SNTG1: variants seen among roughly 807,000 people sequenced by gnomAD.
SNTG1 encodes the protein syntrophin gamma 1, also known as gamma-1-syntrophin.
Under a neutral mutation model 74.7 loss-of-function variants are expected in SNTG1, and 39 were observed. That is an observed-to-expected ratio of 0.52 (90% CI 0.40 to 0.68). The LOEUF (loss-of-function observed/expected upper bound fraction) is 0.68. Among genes scored for constraint, SNTG1 ranks in the 30% least tolerant of loss-of-function variants. The probability of loss-of-function intolerance (pLI) is 0.00; values close to 1 mark genes in which losing one functional copy is unlikely to be tolerated. For missense variants in SNTG1, 685 were observed against 609.5 expected (o/e 1.12, Z -1.30); for synonymous variants, 254 against 217.1 (o/e 1.17, Z -1.49).
chr8:50,170,570 C>T (rs547703907), intron 1 of SNTG1, among the ~76,000 whole-genome samples: 2 of 152,256 alleles, frequency 1.3e-5, no homozygotes, highest in African/African-American at 4.8e-5. Context: ...TTATCTATTG[C>T]TGCATAAAAA....
intron 1 of SNTG1, among the ~76,000 whole-genome samples, chr8:50,088,235 G>C (rs1434454174): frequency 6.6e-6 from 1 of 151,426 alleles, no homozygotes; most frequent in Non-Finnish European, 1.5e-5. Flanking sequence ...CAATAAATTA[G>C]GTATTGATGG....
intron 2 of SNTG1, among the ~76,000 whole-genome samples, chr8:50,322,467 G>A (rs2090570274): frequency 6.6e-6 from 1 of 151,986 alleles, no homozygotes; most frequent in Admixed American, 6.6e-5. Context: ...TCTTCTCTGT[G>A]TCCTTGATCT....
chr8:50,741,427 C>T (rs72643702), intron 17 of SNTG1, among the ~76,000 whole-genome samples: 8,074 of 152,036 alleles, frequency 0.053, 268 homozygotes, highest in Non-Finnish European at 0.072. Flanking sequence ...TGACCAAGTA[C>T]CCCTGAACTT....
chr8:49,916,149 C>G, intron 1 of SNTG1, among the ~76,000 whole-genome samples: 1 of 149,514 alleles, frequency 6.7e-6, no homozygotes, highest in East Asian at 2.0e-4. Flanking sequence ...AAAATTATAT[C>G]ATCACTTACT....
chr8:50,262,275 T>A (rs1258492891), intron 2 of SNTG1, among the ~76,000 whole-genome samples: 1 of 152,138 alleles, frequency 6.6e-6, no homozygotes, highest in Non-Finnish European at 1.5e-5. Flanking sequence ...ATAATCTAAG[T>A]TTCCAGCAGA....
At chr8:50,363,171 C>A (rs2092010028) in intron 2 of SNTG1, among the ~76,000 whole-genome samples, 1 of 152,146 alleles carries the variant, frequency 6.6e-6, no homozygotes, top group Admixed American at 6.5e-5. Context: ...ATCATCGACA[C>A]TTTAGTCAAT....
chr8:50,491,612 G>A (rs2093854580), intron 8 of SNTG1: 1 of 152,250 alleles, frequency 6.6e-6, no homozygotes, highest in Non-Finnish European at 1.5e-5. Context: ...GCGACCCCGT[G>A]GAAGGACGCG....
intron 8 of SNTG1, among the ~76,000 whole-genome samples, chr8:50,485,190 A>C (rs2093780183): frequency 6.6e-6 from 1 of 152,152 alleles, no homozygotes; most frequent in Non-Finnish European, 1.5e-5. Context: ...AACGGCTGGG[A>C]CCATCAGGTT....
At chr8:50,402,126 G>A in intron 3 of SNTG1, 84 bp from the exon 4 acceptor site, 2 of 1,366,138 alleles carry the variant, frequency 1.5e-6, no homozygotes, top group East Asian at 2.4e-5. Flanking sequence ...TATTCACCAT[G>A]TTTTGCTGTA....
intron 18 of SNTG1, among the ~76,000 whole-genome samples, chr8:50,780,371 C>T (rs1479063337): frequency 6.6e-6 from 1 of 152,212 alleles, no homozygotes; most frequent in Non-Finnish European, 1.5e-5. Flanking sequence ...ATTATTGCCA[C>T]AATTTCAGAG....
chr8:50,271,502 CT>C (rs770294779), intron 2 of SNTG1, among the ~76,000 whole-genome samples: 28 of 152,210 alleles, frequency 1.8e-4, no homozygotes, highest in Non-Finnish European at 3.5e-4. Flanking sequence ...TGGGCTGTAG[CT>C]TTTTAAGCTG....
intron 17 of SNTG1, among the ~76,000 whole-genome samples, chr8:50,735,263 C>T (rs565597164): frequency 2.0e-4 from 31 of 151,658 alleles, no homozygotes; most frequent in African/African-American, 6.8e-4. Flanking sequence ...AAATATATTC[C>T]ATGCAAATGA....
At chr8:50,090,018 G>A (rs1055537272) in intron 1 of SNTG1, among the ~76,000 whole-genome samples, 1 of 152,180 alleles carries the variant, frequency 6.6e-6, no homozygotes, top group Non-Finnish European at 1.5e-5. Flanking sequence ...ATTTCTATAG[G>A]ATCACTCCCA....
At chr8:50,376,756 T>TAGAGAGAGAGAGAGAGAGAG (rs58103614) in intron 2 of SNTG1, among the ~76,000 whole-genome samples, 11 of 89,964 alleles carry the variant, frequency 1.2e-4, no homozygotes, top group Non-Finnish European at 2.2e-4. Context: ...TATATATATA[T>TAGAGAGAGAGAGAGAGAGAG]AGAGAGAGAG....
At chr8:50,701,928 G>A (rs1262730701) in intron 15 of SNTG1, among the ~76,000 whole-genome samples, 1 of 151,254 alleles carries the variant, frequency 6.6e-6, no homozygotes, top group African/African-American at 2.4e-5. Flanking sequence ...TTGGCTCACT[G>A]CAACCTCCTC....
chr8:50,735,519 A>G (rs1220794853), intron 17 of SNTG1, among the ~76,000 whole-genome samples: 2 of 152,014 alleles, frequency 1.3e-5, no homozygotes, highest in Admixed American at 6.6e-5. Flanking sequence ...AAGAAAGGGT[A>G]TCAGAGATTG....
At chr8:50,671,727 A>C (rs1422364633) in intron 15 of SNTG1, among the ~76,000 whole-genome samples, 1 of 152,004 alleles carries the variant, frequency 6.6e-6, no homozygotes, top group Non-Finnish European at 1.5e-5. Context: ...TCATGCTGCT[A>C]TAAAGACACA....
At chr8:50,331,414 C>T (rs577576538) in intron 2 of SNTG1, among the ~76,000 whole-genome samples, 1 of 152,280 alleles carries the variant, frequency 6.6e-6, no homozygotes, top group South Asian at 2.1e-4. Context: ...GCTAGAGAAA[C>T]AGCCCTGAGT....
intron 13 of SNTG1, among the ~76,000 whole-genome samples, chr8:50,621,562 TACAA>T (rs2094923568): frequency 6.6e-6 from 1 of 152,212 alleles, no homozygotes. Context: ...GCCTCGATAA[TACAA>T]ACAATGAAAT....
Sources: allele counts gnomAD v4.1 joint callset (sites outside exome capture counted in the v4.1 genomes callset), GRCh38; gene constraint gnomAD v4.1.1; transcripts MANE v1.5; gene names NCBI Gene and HGNC (gene_info 2026-07-23, HGNC 2026-07-21).